CLIC5: variants seen among roughly 807,000 people sequenced by gnomAD.
CLIC5 encodes the protein CLIC family member 5.
Under a neutral mutation model 24.7 loss-of-function variants are expected in CLIC5, and 20 were observed. The ratio of observed to expected loss-of-function variants is 0.81; its 90% CI spans 0.57 to 1.18. The LOEUF (loss-of-function observed/expected upper bound fraction) is 1.18. Ranked by LOEUF, CLIC5 falls within the 50% of genes most tolerant of loss-of-function variation. CLIC5 has a pLI of 0.00. For synonymous variants in CLIC5, 159 were observed against 135.6 expected (o/e 1.17, Z -1.20); for missense variants, 341 against 326.1 (o/e 1.05, Z -0.35).
chr6:45,909,346 T>C (rs2127300699), intron 5 of CLIC5, among the ~76,000 whole-genome samples: 1 of 152,288 alleles, frequency 6.6e-6, no homozygotes. Context: ...TACTTTGTAG[T>C]TTCTATTGTG....
At chr6:45,912,759 AG>A (rs1195193916) in intron 5 of CLIC5, 9 of 1,487,478 alleles carry the variant, frequency 6.1e-6, no homozygotes, top group Non-Finnish European at 8.2e-6. Context: ...AGAAGAATAA[AG>A]GATGATGGGT....
the CLIC5 span, among the ~76,000 whole-genome samples, chr6:46,087,662 A>C: frequency 6.6e-6 from 1 of 152,094 alleles, no homozygotes; most frequent in Non-Finnish European, 1.5e-5. Context: ...CCACTTTAGT[A>C]GCTCTCTAAC....
the CLIC5 span, among the ~76,000 whole-genome samples, chr6:46,104,906 C>T: frequency 6.6e-6 from 1 of 152,170 alleles, no homozygotes; most frequent in Non-Finnish European, 1.5e-5. Flanking sequence ...GTCCAGCTTG[C>T]AGTGTGACAG....
intron 5 of CLIC5, among the ~76,000 whole-genome samples, chr6:45,908,603 A>G (rs922810310): frequency 2.0e-5 from 3 of 151,770 alleles, no homozygotes; most frequent in African/African-American, 7.3e-5. Context: ...CTTGGTGTTG[A>G]TTTCTATTTT....
At chr6:45,917,950 C>G (rs1179495483) in intron 4 of CLIC5, among the ~76,000 whole-genome samples, 1 of 152,206 alleles carries the variant, frequency 6.6e-6, no homozygotes, top group Non-Finnish European at 1.5e-5. Context: ...ATGGGGGTAT[C>G]CCTCCAACTA....
Position 45,922,853 on chromosome 6 carries a change from G to T in CLIC5, c.407-8444C>A, listed in dbSNP as rs142774927. Among the ~76,000 whole-genome samples the T allele has an allele frequency of 8.0e-3, 1,219 of 152,014 alleles. 22 individuals carry two copies. Among genetic ancestry groups the T allele is most frequent in the African/African-American group, 0.028 (1,162 of 41,426 alleles). The stretch of plus-strand genomic sequence containing the variant: ...AGAGAGATAGAGAGAGAGAGAGAGA[G>T]AGAGACTGACTGAATGTGGGAGGAA... On this transcript the variant is annotated intron_variant, in intron 4 of 5. Transcript: ENST00000339561.
intron 1 of CLIC5, among the ~76,000 whole-genome samples, chr6:46,053,409 G>C (rs1461844261): frequency 6.6e-6 from 1 of 152,210 alleles, no homozygotes; most frequent in African/African-American, 2.4e-5. Context: ...AACGGAGTGA[G>C]GAATTGAGCC....
intron 5 of CLIC5, among the ~76,000 whole-genome samples, chr6:45,910,526 T>C (rs1442162293): frequency 6.6e-6 from 1 of 152,248 alleles, no homozygotes; most frequent in African/African-American, 2.4e-5. Flanking sequence ...GACTTAATGT[T>C]ACATGATAAA....
chr6:45,931,000 C>G (rs190618900), intron 4 of CLIC5, among the ~76,000 whole-genome samples: 6 of 152,136 alleles, frequency 3.9e-5, no homozygotes, highest in Admixed American at 2.6e-4. Flanking sequence ...TGCCCTCAAG[C>G]TAAGTATTGT....
chr6:45,977,181 A>T (rs1007126554), intron 1 of CLIC5, among the ~76,000 whole-genome samples: 1 of 152,098 alleles, frequency 6.6e-6, no homozygotes, highest in African/African-American at 2.4e-5. Flanking sequence ...TAACTTTTTC[A>T]TTCTTTATTT....
At chr6:45,968,841 C>A (rs142953629) in intron 1 of CLIC5, among the ~76,000 whole-genome samples, 26 of 152,272 alleles carry the variant, frequency 1.7e-4, no homozygotes, top group African/African-American at 6.0e-4. Context: ...ACTGAATTCC[C>A]TGGGTAGCCC....
intron 1 of CLIC5, among the ~76,000 whole-genome samples, chr6:45,974,673 G>T (rs1171115612): frequency 6.6e-6 from 1 of 151,482 alleles, no homozygotes; most frequent in Admixed American, 6.6e-5. Context: ...TGAAAGGAGA[G>T]TCTTCATATT....
At chr6:46,017,152 C>A (rs1043304665), upstream of CLIC5, among the ~76,000 whole-genome samples, 1 of 152,146 alleles carries the variant, frequency 6.6e-6, no homozygotes, top group African/African-American at 2.4e-5. Context: ...GACATTCCCA[C>A]CCTTCAGTTC....
the CLIC5 span, among the ~76,000 whole-genome samples, chr6:46,122,566 G>A: frequency 1.3e-5 from 2 of 152,220 alleles, no homozygotes; most frequent in East Asian, 3.9e-4. Context: ...CAGAAGGCAA[G>A]AAATAACTAA....
chr6:45,956,221 G>T lies in CLIC5; in HGVS notation c.64-977C>A, dbSNP rs115058543. Among the ~76,000 whole-genome samples, 929 of 152,266 alleles carry T rather than the reference G, an allele frequency of 6.1e-3. 10 individuals are homozygous for T. Among genetic ancestry groups the T allele is most frequent in the African/African-American group, 0.021 (883 of 41,556 alleles). ...AGCAAACCTATGAACAAACAAAAAAGGTTGGGGAATTGGTCTCTGTAGAAT... is the reference window on the plus strand; with the variant it reads ...AGCAAACCTATGAACAAACAAAAAATGTTGGGGAATTGGTCTCTGTAGAAT... On this transcript the variant is annotated intron_variant, in intron 1 of 5. Transcript: ENST00000339561.
chr6:45,981,142 G>A (rs948166535), intron 1 of CLIC5, among the ~76,000 whole-genome samples: 4 of 151,700 alleles, frequency 2.6e-5, no homozygotes, highest in Admixed American at 1.3e-4. Context: ...GCTAATTTTT[G>A]TATTTCTTGT....
chr6:45,935,146 C>T (rs117948188), intron 4 of CLIC5, among the ~76,000 whole-genome samples: 1 of 152,160 alleles, frequency 6.6e-6, no homozygotes, highest in Admixed American at 6.5e-5. Context: ...GTAAGAAATG[C>T]AAAATGTAAG....
intron 1 of CLIC5, among the ~76,000 whole-genome samples, chr6:45,999,125 C>T (rs1310501394): frequency 6.6e-6 from 1 of 152,112 alleles, no homozygotes; most frequent in Non-Finnish European, 1.5e-5. Flanking sequence ...GTGAGGTACA[C>T]AAGAGAATCA....
At chr6:46,106,188 CTGCCTCCCAGGTTCAAGTGA>C in the CLIC5 span, among the ~76,000 whole-genome samples, 1 of 151,962 alleles carries the variant, frequency 6.6e-6, no homozygotes, top group East Asian at 1.9e-4. Flanking sequence ...ACTGCAACCT[CTGCCTCCCAGGTTCAAGTGA>C]TTGAGGTTCC....
Sources: allele counts gnomAD v4.1 joint callset (sites outside exome capture counted in the v4.1 genomes callset), GRCh38; gene constraint gnomAD v4.1.1; transcripts MANE v1.5; gene names NCBI Gene and HGNC (gene_info 2026-07-23, HGNC 2026-07-21).